The following ANKLE2 variants were observed in gnomAD, a reference collection of about 807,000 sequenced individuals.
ANKLE2 encodes ankyrin repeat and LEM domain containing 2.
A neutral mutation model predicts 84.2 loss-of-function variants in ANKLE2; 55 were observed. The observed-to-expected ratio is 0.65, with a 90% CI of 0.53 to 0.82. ANKLE2 has a LOEUF of 0.82. Ranked by LOEUF, ANKLE2 falls within the 40% of genes least tolerant of loss-of-function variation. The pLI is 0.00. For synonymous variants in ANKLE2, 551 were observed against 486.1 expected (o/e 1.13, Z -1.76); for missense variants, 1,238 against 1,201.9 (o/e 1.03, Z -0.44).
At chr12:132,755,341 C>T (rs926802637) in intron 1 of ANKLE2, 10 of 480,322 alleles carry the variant, frequency 2.1e-5, no homozygotes, top group African/African-American at 8.0e-5. Context: ...GTCAGGAGTT[C>T]GAGACCAGCC....
chr12:132,754,808 T>A lies in ANKLE2; in HGVS notation c.507A>T (p.Glu169Asp). Residue 169 changes from glutamate (E) to aspartate (D), a missense_variant, in exon 2 of 13, where the codon GAA becomes GAT. Physicochemically the swap from Glu to Asp is conservative, Grantham distance 45 (BLOSUM62 2). This residue lies in a region of ANKLE2 where 422 missense variants were observed against 394.5 expected (regional missense o/e 1.07). Coordinates refer to ENST00000357997, the MANE Select transcript of ANKLE2 (RefSeq NM_015114.3). Reference protein sequence around the residue: ...YSVGLNPPEEEAVTSKTCSVP... With the variant: ...YSVGLNPPEEDAVTSKTCSVP... The stretch of plus-strand genomic sequence containing the variant: ...CCGAGCAGGTCTTGGATGTCACAGC[T>A]TCCTCCTCTGGAGGATTCAGGCCCA... 6.2e-7 allele frequency: 1 copy of A among 1,614,178 alleles called. No homozygotes were observed.
intron 1 of ANKLE2, chr12:132,761,348 G>A (rs2044620733): frequency 3.4e-6 from 1 of 297,160 alleles, no homozygotes; most frequent in Non-Finnish European, 6.2e-6. Flanking sequence ...CCGGGCCCCC[G>A]CCGCCTTCCC....
intron 10 of ANKLE2, among the ~76,000 whole-genome samples, chr12:132,732,900 G>A (rs72488128): frequency 1.0e-4 from 14 of 137,180 alleles, no homozygotes; most frequent in South Asian, 2.3e-4. Flanking sequence ...GAAATGCACC[G>A]TGTGAAGCGC....
intron 2 of ANKLE2, chr12:132,751,156 A>G (rs1015703999): frequency 4.6e-6 from 1 of 216,614 alleles, no homozygotes; most frequent in Middle Eastern, 1.4e-3. Context: ...TTAAAAGGCA[A>G]ATTAAAAAAA....
chr12:132,745,302 G>T, intron 5 of ANKLE2: 1 of 193,620 alleles, frequency 5.2e-6, no homozygotes, highest in Admixed American at 5.4e-5. Context: ...GAAGAGCTCA[G>T]GGCCCAGCTA....
At chr12:132,754,572 G>A (rs962385896) in intron 2 of ANKLE2, 103 bp downstream of exon 2, 4 of 1,199,982 alleles carry the variant, frequency 3.3e-6, no homozygotes, top group Middle Eastern at 3.0e-4. Flanking sequence ...GAGGGGATTG[G>A]ATTTTTTCCT....
intron 5 of ANKLE2, chr12:132,745,633 C>A: frequency 6.3e-6 from 1 of 158,642 alleles, no homozygotes; most frequent in South Asian, 1.8e-4. Flanking sequence ...ACTTTCAAGT[C>A]GTTTGAAGAC....
At chr12:132,752,061 T>C (rs994324946) in intron 2 of ANKLE2, among the ~76,000 whole-genome samples, 1 of 151,926 alleles carries the variant, frequency 6.6e-6, no homozygotes, top group Non-Finnish European at 1.5e-5. Flanking sequence ...TAGCCATAGT[T>C]CGGGCACGGT....
At position 132,730,218 on chromosome 12, in the gene ANKLE2, C is replaced by T; in HGVS notation, c.1944G>A (p.Leu648=). 9.4e-6 allele frequency: 15 copies of T among 1,592,652 alleles called. No homozygotes were observed. The highest frequency in any genetic ancestry group is 1.3e-5 in the Non-Finnish European group (15 of 1,168,366). Residue 648 remains leucine (L), a synonymous_variant, in exon 11 of 13, where the codon TTG becomes TTA. Transcript: ENST00000357997. The stretch of plus-strand genomic sequence containing the variant: ...CATTTTGCCGATTTTTTATTTCTTC[C>T]AAGCTCATGTCATCTTCATCTAGAA... ...RAFLDEDDMS[L]EEIKNRQNAA... is the part of the protein sequence containing the mutation.
chr12:132,746,086 C>T (rs1251811587), intron 5 of ANKLE2, among the ~76,000 whole-genome samples: 5 of 152,194 alleles, frequency 3.3e-5, no homozygotes, highest in Non-Finnish European at 7.3e-5. Context: ...CGGTGGCTCA[C>T]GCCCGTAATC....
Position 132,735,329 on chromosome 12 carries a change from G to A in ANKLE2, c.1700+77C>T, listed in dbSNP as rs2043985793. ...TTCTGGAAATTGGTACTTTGAAGCT[G>A]TGATTTGACCTTCTGTCATTAATCA... On this transcript the variant is annotated intron_variant, in intron 9 of 12. Transcript: ENST00000357997. 4 of 1,315,972 alleles carry A rather than the reference G, an allele frequency of 3.0e-6. No individual in the cohort carries two copies. The Admixed American group carries it at 5.2e-5, about 17-fold the overall frequency. The allele number at this position is 1,315,972 out of a possible 1,614,324, so 81.5% of individuals were successfully genotyped here.
chr12:132,759,144 C>T (rs1469639323), intron 1 of ANKLE2: 69 of 47,588 alleles, frequency 1.4e-3, no homozygotes, highest in East Asian at 2.8e-3. Context: ...GGGGCACCCA[C>T]GTGGCAGAGA....
rs545776534 is a variant in ANKLE2, at chr12:132,753,695, C to A, written c.640+980G>T. Among the ~76,000 whole-genome samples the A allele has an allele frequency of 1.4e-3, 219 of 151,958 alleles. 1 individual carries two copies. The highest frequency in any genetic ancestry group is 0.01 in the Middle Eastern group (3 of 294). The stretch of plus-strand genomic sequence containing the variant: ...GGCTGAGGTTACAGTGAGCTGAGAT[C>A]GCACCACTGCACTCCAGCCCAGGTG... On this transcript the variant is annotated intron_variant, in intron 2 of 12. Coordinates refer to ENST00000357997, the MANE Select transcript of ANKLE2 (RefSeq NM_015114.3).
rs2044334713 is a variant in ANKLE2, at chr12:132,750,639, T to A, written c.847+4A>T. On this transcript the variant is annotated splice_donor_region_variant and intron_variant, in intron 3 of 12. Coordinates refer to ENST00000357997, the MANE Select transcript of ANKLE2 (RefSeq NM_015114.3). ...ATCAAGATGTGAACGGCTGCATGAT[T>A]TACCTTTCAACCTGTCATTGCTAAA... 1 of 1,613,652 alleles carries A rather than the reference T, an allele frequency of 6.2e-7. No homozygotes were observed.
intron 3 of ANKLE2, among the ~76,000 whole-genome samples, chr12:132,749,907 G>A (rs534286791): frequency 1.3e-5 from 2 of 152,300 alleles, no homozygotes; most frequent in South Asian, 4.1e-4. Context: ...AGGGGCTCAC[G>A]CCTGTCATCC....
chr12:132,753,299 G>A (rs551618951), intron 2 of ANKLE2, among the ~76,000 whole-genome samples: 2 of 152,048 alleles, frequency 1.3e-5, no homozygotes, highest in African/African-American at 4.8e-5. Flanking sequence ...CCCCAACCTG[G>A]GTGAGAGAGA....
chr12:132,755,009 A>T lies in ANKLE2; in HGVS notation c.306T>A (p.Phe102Leu). 6.2e-7 allele frequency: 1 copy of T among 1,614,062 alleles called. No homozygotes were observed. The highest frequency in any genetic ancestry group is 1.3e-5 in the African/African-American group (1 of 75,028). The stretch of plus-strand genomic sequence containing the variant: ...GTAAAGCCTGAGCCAATTTTTTCTC[A>T]AAAATGAACCTTGTAGTTGATGTAA... ...GPITSTTRFI[F>L]EKKLAQALLE... The change falls in exon 2 of 13, where the codon TTT becomes TTA. Residue 102 changes from phenylalanine to leucine, a missense_variant. By Grantham distance (22) the Phe-to-Leu change is conservative. Around this residue, in one of 3 missense-constraint regions of ANKLE2, gnomAD observed 422 missense variants for 394.5 expected, o/e 1.07. Coordinates refer to ENST00000357997, the MANE Select transcript of ANKLE2 (RefSeq NM_015114.3).
chr12:132,753,228 G>A (rs1436847924), intron 2 of ANKLE2, among the ~76,000 whole-genome samples: 2 of 152,100 alleles, frequency 1.3e-5, no homozygotes, highest in East Asian at 1.9e-4. Context: ...GCTGAGGTGG[G>A]AGGACTCCTT....
At position 132,755,316 on chromosome 12, in the gene ANKLE2, G is replaced by A. The variant is rs532925350; in HGVS notation, c.182-183C>T. The A allele has an allele frequency of 1.1e-5, 6 of 565,286 alleles. No homozygotes were observed. In the East Asian group the frequency reaches 1.6e-4, roughly 15 times the overall value. 35.0% of individuals were successfully genotyped at this position (565,286 alleles called of 1,614,324 possible). On this transcript the variant is annotated intron_variant, in intron 1 of 12. Transcript: ENST00000357997. ...CCCAGCATTTTGGGAGGCTGAGGCG[G>A]GCGGATCATCTGAGGTCAGGAGTTC...
Sources: gnomAD v4.1 joint callset for allele counts (sites outside exome capture counted in the v4.1 genomes callset) on GRCh38, gnomAD v4.1.1 for gene constraint, gnomAD v4.1.1 regional missense constraint, MANE v1.5 for transcripts, NCBI Gene and HGNC (gene_info 2026-07-23, HGNC 2026-07-21) for gene names.